The following HHAT variants were observed in gnomAD, a reference collection of about 807,000 sequenced individuals.
The protein encoded by HHAT is hedgehog acyltransferase.
Under a neutral mutation model 70.8 loss-of-function variants are expected in HHAT, and 47 were observed. That is an observed-to-expected ratio of 0.66 (90% confidence interval 0.53 to 0.85). The LOEUF (loss-of-function observed/expected upper bound fraction) is 0.85, where lower values mean the gene tolerates loss of function less well. Among genes scored for constraint, HHAT ranks in the 40% least tolerant of loss-of-function variants. The pLI, the probability that HHAT is intolerant of heterozygous loss-of-function variation, is 0.00. For missense variants in HHAT, 609 were observed against 604.8 expected (o/e 1.01, Z -0.07); for synonymous variants, 228 against 247.6 (o/e 0.92, Z 0.74).
At chr1:210,438,941 A>G (rs1384870578) in intron 7 of HHAT, among the ~76,000 whole-genome samples, 3 of 151,876 alleles carry the variant, frequency 2.0e-5, no homozygotes, top group Non-Finnish European at 4.4e-5. Context: ...CTGTCTGTCT[A>G]AGGTCTATGG....
chr1:210,542,890 CTG>C (rs1471549473), intron 9 of HHAT, among the ~76,000 whole-genome samples: 1 of 152,016 alleles, frequency 6.6e-6, no homozygotes, highest in African/African-American at 2.4e-5. Flanking sequence ...ATTTATGTGT[CTG>C]TATATATTTT....
intron 3 of HHAT, among the ~76,000 whole-genome samples, chr1:210,365,043 G>A (rs1412944855): frequency 1.3e-5 from 2 of 152,070 alleles, no homozygotes; most frequent in African/African-American, 2.4e-5. Context: ...TAGAATTTAC[G>A]GAGGAAATGG....
chr1:210,515,249 G>A (rs2095034238), intron 9 of HHAT, among the ~76,000 whole-genome samples: 1 of 152,218 alleles, frequency 6.6e-6, no homozygotes, highest in African/African-American at 2.4e-5. Flanking sequence ...GCCTCTGGGA[G>A]TAGATCTCTT....
intron 11 of HHAT, among the ~76,000 whole-genome samples, chr1:210,638,937 A>G (rs1672464266): frequency 6.6e-6 from 1 of 151,986 alleles, no homozygotes; most frequent in Admixed American, 6.6e-5. Flanking sequence ...AAAAACAAAA[A>G]TGATTGTGGT....
intron 7 of HHAT, among the ~76,000 whole-genome samples, chr1:210,418,926 G>A (rs1417691744): frequency 2.0e-5 from 3 of 152,072 alleles, no homozygotes; most frequent in African/African-American, 2.4e-5. Context: ...CCAGCTACTC[G>A]AGAGGCTGAG....
chr1:210,569,448 G>C (rs1287536484), intron 9 of HHAT, among the ~76,000 whole-genome samples: 1 of 146,158 alleles, frequency 6.8e-6, no homozygotes, highest in Non-Finnish European at 1.5e-5. Flanking sequence ...ATTGAGAAAG[G>C]CTCATTTCAT....
chr1:210,509,640 A>G (rs1420619329), intron 8 of HHAT, among the ~76,000 whole-genome samples: 2 of 152,198 alleles, frequency 1.3e-5, no homozygotes, highest in Non-Finnish European at 2.9e-5. Flanking sequence ...TGCCTGGCAC[A>G]TGCTAAGCAC....
chr1:210,588,037 G>A lies in HHAT; in HGVS notation c.1183G>A (p.Gly395Arg). The change falls in exon 10 of 12, where the codon GGA (glycine) becomes AGA (arginine). Residue 395 changes from glycine to arginine, a missense_variant. Physicochemically the swap from Gly to Arg is moderately radical, Grantham distance 125. Transcript: ENST00000261458. ...GTGCTGGGCAGCGCTCAACTGGCTG[G>A]GAGTCACTGTGGAGAATGGAGTCCG... Reference protein sequence around the residue: ...LWCWAALNWLGVTVENGVRRL... With the variant: ...LWCWAALNWLRVTVENGVRRL... 6.2e-7 allele frequency: 1 copy of A among 1,613,858 alleles called. No individual in the cohort carries two copies. The highest frequency in any genetic ancestry group is 8.5e-7 in the Non-Finnish European group (1 of 1,179,952).
intron 9 of HHAT, among the ~76,000 whole-genome samples, chr1:210,553,820 C>T (rs963225860): frequency 6.6e-6 from 1 of 152,210 alleles, no homozygotes; most frequent in Non-Finnish European, 1.5e-5. Flanking sequence ...ACCTCTTCCT[C>T]TCCCTGTATG....
In HHAT at chr1:210,674,146, G is replaced by A. The variant is rs112353586; in HGVS notation, c.1391-142G>A. ...GATGGGAATGTAGGACTCAATTGCT[G>A]AAGTTGTCATTACAGCAGACTTTCC... On this transcript the variant is annotated intron_variant, in intron 11 of 11. Transcript: ENST00000261458. The A allele has an allele frequency of 1.2e-5, 8 of 662,186 alleles. 1 individual carries two copies. Among genetic ancestry groups the A allele is most frequent in the African/African-American group, 7.1e-5 (4 of 56,268 alleles). The allele number at this position is 662,186 out of a possible 1,614,324, so 41.0% of individuals were successfully genotyped here.
intron 3 of HHAT, chr1:210,374,066 G>GTTTAA (rs1363845199): frequency 6.6e-6 from 1 of 152,196 alleles, no homozygotes; most frequent in Non-Finnish European, 1.5e-5. Flanking sequence ...GTTACACAAT[G>GTTTAA]TTTAAACAAA....
intron 11 of HHAT, among the ~76,000 whole-genome samples, chr1:210,628,322 TAAAAAAAAG>T (rs1179613392): frequency 4.0e-5 from 6 of 148,970 alleles, no homozygotes; most frequent in Non-Finnish European, 6.0e-5. Context: ...GGACTTTGTT[TAAAAAAAAG>T]AAAAAAAAGG....
At chr1:210,388,530 C>T (rs2091242362) in intron 4 of HHAT, among the ~76,000 whole-genome samples, 1 of 152,074 alleles carries the variant, frequency 6.6e-6, no homozygotes, top group Admixed American at 6.5e-5. Context: ...AGCATATTAA[C>T]TTCTTCTTGA....
chr1:210,580,150 CT>C (rs1236078589), intron 9 of HHAT, among the ~76,000 whole-genome samples: 1 of 152,140 alleles, frequency 6.6e-6, no homozygotes, highest in East Asian at 1.9e-4. Flanking sequence ...TGTACAGCAT[CT>C]TTTAGTAAAG....
At chr1:210,517,828 A>G (rs1443405943) in intron 9 of HHAT, among the ~76,000 whole-genome samples, 4 of 148,492 alleles carry the variant, frequency 2.7e-5, no homozygotes, top group Non-Finnish European at 5.9e-5. Flanking sequence ...CAGTTAAAAA[A>G]TAATATTTTA....
At chr1:210,377,586 C>A (rs1444305649) in intron 3 of HHAT, among the ~76,000 whole-genome samples, 1 of 152,192 alleles carries the variant, frequency 6.6e-6, no homozygotes, top group Non-Finnish European at 1.5e-5. Context: ...TTCTGAGAAA[C>A]AGGTCAGTAG....
intron 7 of HHAT, among the ~76,000 whole-genome samples, chr1:210,425,497 C>T (rs1261742614): frequency 3.3e-5 from 5 of 152,022 alleles, no homozygotes; most frequent in African/African-American, 7.2e-5. Flanking sequence ...TGTCTTTAAT[C>T]GATCTTGGGT....
At chr1:210,513,278 AAAT>A in intron 9 of HHAT, 90 bp downstream of exon 9, 1 of 699,046 alleles carries the variant, frequency 1.4e-6, no homozygotes. Context: ...GTATCTTGAT[AAAT>A]AATGGCACTT....
In HHAT at chr1:210,587,994, C is replaced by A. The variant is rs139136517; in HGVS notation, c.1140C>A (p.Gly380=). The A allele has an allele frequency of 6.2e-7, 1 of 1,614,060 alleles. No individual in the cohort carries two copies. Among genetic ancestry groups the A allele is most frequent in the South Asian group, 1.1e-5 (1 of 91,080 alleles). ...TTGCATTTGTGAGCTACTGGCATGG[C>A]GGCTACGACTACCTCTGGTGCTGGG... ...MTFAFVSYWH[G]GYDYLWCWAA... Residue 380 remains glycine (G), a synonymous_variant, in exon 10 of 12, where the codon GGC becomes GGA. Transcript: ENST00000261458.
Sources: gnomAD v4.1 joint callset for allele counts (sites outside exome capture counted in the v4.1 genomes callset) on GRCh38, gnomAD v4.1.1 for gene constraint, MANE v1.5 for transcripts, NCBI Gene and HGNC (gene_info 2026-07-23, HGNC 2026-07-21) for gene names.